Variants in TMEM132D observed in about 807,000 individuals in gnomAD.
The protein encoded by TMEM132D is transmembrane protein 132D, also known as mature OL transmembrane protein.
A neutral mutation model predicts 62.3 loss-of-function variants in TMEM132D; 21 were observed. The observed-to-expected ratio is 0.34, with a 90% CI of 0.24 to 0.49. TMEM132D has a LOEUF of 0.49. Ranked by LOEUF, TMEM132D falls within the 20% of genes least tolerant of loss-of-function variation. The pLI is 0.99. For missense variants in TMEM132D, 1,346 were observed against 1,402.8 expected (o/e 0.96, Z 0.65); for synonymous variants, 621 against 575.6 (o/e 1.08, Z -1.13).
intron 2 of TMEM132D, among the ~76,000 whole-genome samples, chr12:129,578,862 G>T (rs1877760901): frequency 6.6e-6 from 1 of 152,100 alleles, no homozygotes; most frequent in South Asian, 2.1e-4. Flanking sequence ...CACCCACTTT[G>T]CTGACAGGAG....
chr12:129,403,863 G>C (rs1300489975), intron 3 of TMEM132D, among the ~76,000 whole-genome samples: 1 of 152,172 alleles, frequency 6.6e-6, no homozygotes, highest in Non-Finnish European at 1.5e-5. Context: ...GAGGTGAGGG[G>C]TAGCCAAGGG....
intron 5 of TMEM132D, among the ~76,000 whole-genome samples, chr12:129,204,618 C>T (rs1878793021): frequency 6.6e-6 from 1 of 152,198 alleles, no homozygotes; most frequent in African/African-American, 2.4e-5. Flanking sequence ...GGATATCACC[C>T]ATGAAAACTT....
intron 4 of TMEM132D, among the ~76,000 whole-genome samples, chr12:129,241,585 G>A (rs1314026369): frequency 1.3e-5 from 2 of 152,080 alleles, no homozygotes; most frequent in Non-Finnish European, 2.9e-5. Flanking sequence ...CTCTGATTAA[G>A]CACCACTTCC....
Position 129,371,254 on chromosome 12 carries a change from T to C in TMEM132D, c.1116-33437A>G, listed in dbSNP as rs1870588987. Reference sequence around the variant, plus strand: ...GTTACTGTGGTGATGATGGTGGCAGTGATGATGATGATGAAGGTGGTGTTG... The same window carrying C: ...GTTACTGTGGTGATGATGGTGGCAGCGATGATGATGATGAAGGTGGTGTTG... On this transcript the variant is annotated intron_variant, in intron 3 of 8. Coordinates refer to ENST00000422113, the MANE Select transcript of TMEM132D (RefSeq NM_133448.3). The surrounding 1 kb of genome is among the most constrained non-coding windows in gnomAD (Gnocchi z 4.3). 1.3e-5 allele frequency among the ~76,000 whole-genome samples: 2 copies of C among 151,996 alleles called. No individual in the cohort carries two copies. Among genetic ancestry groups the C allele is most frequent in the South Asian group, 4.2e-4 (2 of 4,812 alleles).
At chr12:129,239,289 A>G (rs1036339084) in intron 4 of TMEM132D, among the ~76,000 whole-genome samples, 3 of 152,206 alleles carry the variant, frequency 2.0e-5, no homozygotes, top group Non-Finnish European at 4.4e-5. Flanking sequence ...GCCAAATCCA[A>G]TGTCACAAAG....
chr12:129,713,781 C>A (rs1036573919), intron 1 of TMEM132D, among the ~76,000 whole-genome samples: 10 of 152,182 alleles, frequency 6.6e-5, no homozygotes, highest in African/African-American at 2.4e-4. Flanking sequence ...CTCATCTACC[C>A]AGCAGGCTTG....
intron 4 of TMEM132D, among the ~76,000 whole-genome samples, chr12:129,219,476 C>T (rs562776652): frequency 6.6e-6 from 1 of 152,290 alleles, no homozygotes; most frequent in East Asian, 1.9e-4. Context: ...GGTGCAACTG[C>T]CCAGCACGAA....
At chr12:129,559,564 CA>C (rs1353683077) in intron 2 of TMEM132D, among the ~76,000 whole-genome samples, 2 of 152,160 alleles carry the variant, frequency 1.3e-5, no homozygotes, top group African/African-American at 4.8e-5. Context: ...TGAGAGGTTT[CA>C]TAAGTTATTA....
intron 2 of TMEM132D, among the ~76,000 whole-genome samples, chr12:129,582,657 C>T (rs1204265058): frequency 1.0e-4 from 15 of 149,066 alleles, no homozygotes; most frequent in African/African-American, 1.5e-4. Context: ...CTCACCTTGT[C>T]GCCCAGGCTG....
At chr12:129,235,493 C>G (rs553773482) in intron 4 of TMEM132D, among the ~76,000 whole-genome samples, 3 of 151,690 alleles carry the variant, frequency 2.0e-5, no homozygotes, top group Non-Finnish European at 4.4e-5. Flanking sequence ...TCACTTAGCA[C>G]GATGATGTTG....
At chr12:129,433,278 T>G (rs1442167986) in intron 3 of TMEM132D, among the ~76,000 whole-genome samples, 2 of 152,218 alleles carry the variant, frequency 1.3e-5, no homozygotes, top group African/African-American at 4.8e-5. Flanking sequence ...TATATAGAAG[T>G]AAAATTGCTG....
chr12:129,145,962 A>G (rs1036681657), intron 5 of TMEM132D, among the ~76,000 whole-genome samples: 2 of 152,128 alleles, frequency 1.3e-5, no homozygotes, highest in Non-Finnish European at 2.9e-5. Flanking sequence ...AAACAAAACA[A>G]AACTGAGCCA....
chr12:129,722,978 G>A (rs1444856996), intron 1 of TMEM132D, among the ~76,000 whole-genome samples: 6 of 152,010 alleles, frequency 3.9e-5, no homozygotes, highest in Non-Finnish European at 7.4e-5. Context: ...CTGACCTCAA[G>A]TGATCCGCCC....
intron 1 of TMEM132D, among the ~76,000 whole-genome samples, chr12:129,780,207 A>G (rs1871076954): frequency 6.7e-6 from 1 of 149,976 alleles, no homozygotes; most frequent in African/African-American, 2.4e-5. Flanking sequence ...ACATAGTTTG[A>G]TCTCCCCGTC....
chr12:129,497,381 C>T (rs564969010), intron 3 of TMEM132D, among the ~76,000 whole-genome samples: 1 of 152,272 alleles, frequency 6.6e-6, no homozygotes, highest in Admixed American at 6.5e-5. Context: ...GAAACTCTAG[C>T]TTGTGATAAG....
intron 2 of TMEM132D, among the ~76,000 whole-genome samples, chr12:129,581,312 T>G (rs570533508): frequency 1.3e-5 from 2 of 152,274 alleles, no homozygotes; most frequent in Admixed American, 6.5e-5. Flanking sequence ...CCAAGTGTAC[T>G]AGGGTTCTCT....
At chr12:129,591,157 A>C (rs1377281735) in intron 2 of TMEM132D, among the ~76,000 whole-genome samples, 1 of 152,210 alleles carries the variant, frequency 6.6e-6, no homozygotes, top group Non-Finnish European at 1.5e-5. Context: ...GACTGGAATG[A>C]AGGTTGAGGA....
intron 5 of TMEM132D, among the ~76,000 whole-genome samples, chr12:129,207,108 A>G (rs113685074): frequency 3.0e-3 from 451 of 152,300 alleles, no homozygotes; most frequent in African/African-American, 0.01. Flanking sequence ...ACCTGAAATA[A>G]AAGTTAAAAA....
chr12:129,679,812 T>C (rs1409047736), intron 2 of TMEM132D, among the ~76,000 whole-genome samples: 2 of 148,232 alleles, frequency 1.3e-5, no homozygotes, highest in Admixed American at 1.3e-4. Context: ...AAGTTGCTTT[T>C]TTGTTTTTCT....
Sources: allele counts gnomAD v4.1 joint callset (sites outside exome capture counted in the v4.1 genomes callset), GRCh38; gene constraint gnomAD v4.1.1; non-coding constraint Gnocchi (gnomAD v3.1); transcripts MANE v1.5; gene names NCBI Gene and HGNC (gene_info 2026-07-23, HGNC 2026-07-21).